MAB21L2: variants seen among roughly 807,000 people sequenced by gnomAD.
MAB21L2 encodes mab-21 like 2.
A neutral mutation model predicts 29.8 loss-of-function variants in MAB21L2; 15 were observed. The observed-to-expected ratio is 0.50, with a 90% confidence interval of 0.34 to 0.78. MAB21L2 has a LOEUF of 0.78. Ranked by LOEUF, MAB21L2 falls within the 30% of genes least tolerant of loss-of-function variation. The probability of loss-of-function intolerance (pLI) is 0.01; values close to 1 mark genes in which losing one functional copy is unlikely to be tolerated. For missense variants in MAB21L2, 321 were observed against 480.1 expected, an observed-to-expected ratio of 0.67 and a Z score of 3.10; for synonymous variants, 218 against 210.4, an observed-to-expected ratio of 1.04 and a Z score of -0.31.
chr4:150,583,140 G>A lies in MAB21L2; in HGVS notation c.111G>A (p.Val37=). ...IAKTIREVCK[V]VSDVLKEVEV... ...AAACCATCCGAGAGGTCTGTAAGGT[G>A]GTCTCGGACGTGCTCAAGGAAGTGG... Residue 37 remains valine, a synonymous_variant, in exon 1 of 1, where the codon GTG becomes GTA. Transcript: ENST00000317605. This position sits in a 1 kb window ranked among gnomAD's most constrained non-coding sequence, Gnocchi z 9.8. The A allele has an allele frequency of 6.2e-7, 1 of 1,614,214 alleles. No individual in the cohort carries two copies. The highest frequency in any genetic ancestry group is 8.5e-7 in the Non-Finnish European group (1 of 1,180,022).
In MAB21L2 at chr4:150,583,782, C is replaced by T. The variant is rs1374972528; in HGVS notation, c.753C>T (p.Leu251=). 6.2e-7 allele frequency: 1 copy of T among 1,614,180 alleles called. No homozygotes were observed. Among genetic ancestry groups the T allele is most frequent in the South Asian group, 1.1e-5 (1 of 91,082 alleles). The change falls in exon 1 of 1, where the codon CTC becomes CTT. Residue 251 remains leucine, a synonymous_variant. Coordinates refer to ENST00000317605, the MANE Select transcript of MAB21L2 (RefSeq NM_006439.5). The surrounding 1 kb of genome is among the most constrained non-coding windows in gnomAD (Gnocchi z 9.8). ...LLMGGCRNKC[L]SVLKTLRDRH... ...TGGGCGGCTGCCGAAACAAGTGCCT[C>T]TCAGTGCTGAAGACTCTGCGGGACC... is the stretch of plus-strand genomic sequence containing the variant.
rs372689984 is a variant in MAB21L2 at position 150,584,145 on chromosome 4, G to C, written c.*36G>C. On this transcript the variant is annotated 3_prime_UTR_variant, in exon 1 of 1. Transcript: ENST00000317605. ...ACTGCTTGAAAAGCGACACAAACGGGCGTGCTCTCTCAGACACACAACTCT... is the reference window on the plus strand; with the variant it reads ...ACTGCTTGAAAAGCGACACAAACGGCCGTGCTCTCTCAGACACACAACTCT... 6.1e-5 allele frequency: 92 copies of C among 1,502,042 alleles called. No homozygotes were observed. The African/African-American group carries it at 9.4e-4, about 15-fold the overall frequency. The allele number at this position is 1,502,042 out of a possible 1,614,324, so 93.0% of individuals were successfully genotyped here.
At position 150,583,737 on chromosome 4, in the gene MAB21L2, G is replaced by A. The variant is rs774467046; in HGVS notation, c.708G>A (p.Glu236=). The A allele has an allele frequency of 1.9e-6, 3 of 1,613,642 alleles. No homozygotes were observed. The highest frequency in any genetic ancestry group is 1.3e-5 in the African/African-American group (1 of 75,044). ...ACGCCTGGGTGCTACAGTTCGGGGA[G>A]GCGGAGAACCGCCTGCTGATGGGCG... ...ESDAWVLQFG[E]AENRLLMGGC... Residue 236 remains glutamate (E), a synonymous_variant, in exon 1 of 1, where the codon GAG becomes GAA. Coordinates refer to ENST00000317605, the MANE Select transcript of MAB21L2 (RefSeq NM_006439.5). The surrounding 1 kb of genome is among the most constrained non-coding windows in gnomAD (Gnocchi z 9.8).
chr4:150,583,054 G>T lies in MAB21L2; in HGVS notation c.25G>T (p.Val9Phe). The T allele has an allele frequency of 6.2e-7, 1 of 1,608,454 alleles. No individual in the cohort carries two copies. Among genetic ancestry groups the T allele is most frequent in the Non-Finnish European group, 8.5e-7 (1 of 1,176,584 alleles). The change falls in exon 1 of 1, where the codon GTT (valine) becomes TTT (phenylalanine). Residue 9 changes from valine to phenylalanine, a missense_variant. Physicochemically the swap from Val to Phe is conservative, Grantham distance 50 (BLOSUM62 -1). Transcript: ENST00000317605. This position sits in a 1 kb window ranked among gnomAD's most constrained non-coding sequence, Gnocchi z 9.8. MIAAQAKLVYQLNKYYTER... is the reference protein window; with the variant it reads MIAAQAKLFYQLNKYYTER... ...CATGATCGCCGCTCAGGCCAAGCTG[G>T]TTTACCAGCTCAATAAGTACTACAC...
chr4:150,583,038 C>G lies in MAB21L2; in HGVS notation c.9C>G (p.Ala3=). 6.3e-7 allele frequency: 1 copy of G among 1,593,222 alleles called. No homozygotes were observed. The highest frequency in any genetic ancestry group is 8.6e-7 in the Non-Finnish European group (1 of 1,168,012). Residue 3 remains alanine, a synonymous_variant, in exon 1 of 1, where the codon GCC becomes GCG. Transcript: ENST00000317605. This position sits in a 1 kb window ranked among gnomAD's most constrained non-coding sequence, Gnocchi z 9.8. ...CGGACCTGTGCCCCAACATGATCGC[C>G]GCTCAGGCCAAGCTGGTTTACCAGC... MI[A]AQAKLVYQLN...
At position 150,584,145 on chromosome 4, in the gene MAB21L2, G is replaced by T; in HGVS notation, c.*36G>T. On this transcript the variant is annotated 3_prime_UTR_variant, in exon 1 of 1. Coordinates refer to ENST00000317605, the MANE Select transcript of MAB21L2 (RefSeq NM_006439.5). ...ACTGCTTGAAAAGCGACACAAACGGGCGTGCTCTCTCAGACACACAACTCT... is the reference window on the plus strand; with the variant it reads ...ACTGCTTGAAAAGCGACACAAACGGTCGTGCTCTCTCAGACACACAACTCT... The T allele has an allele frequency of 6.7e-7, 1 of 1,502,042 alleles. No homozygotes were observed. 93.0% of individuals were successfully genotyped at this position (1,502,042 alleles called of 1,614,324 possible). A position where few individuals can be genotyped will look rare whatever the true frequency, so the allele number is the denominator to read the frequency against.
At position 150,584,226 on chromosome 4, in the gene MAB21L2, G is replaced by A; in HGVS notation, c.*117G>A. On this transcript the variant is annotated 3_prime_UTR_variant, in exon 1 of 1. Transcript: ENST00000317605. ...CTTTTATGTAAGTCACCTGAAATAG[G>A]AATCCGGCAGAAGACCTTCATTAAT... is the stretch of plus-strand genomic sequence containing the variant. 2 of 1,177,230 alleles carry A rather than the reference G, an allele frequency of 1.7e-6. No individual in the cohort carries two copies. The highest frequency in any genetic ancestry group is 2.3e-6 in the Non-Finnish European group (2 of 882,604). 72.9% of individuals were successfully genotyped at this position (1,177,230 alleles called of 1,614,324 possible). A position where few individuals can be genotyped will look rare whatever the true frequency, so the allele number is the denominator to read the frequency against.
Position 150,584,253 on chromosome 4 carries a change from A to G in MAB21L2, c.*144A>G. On this transcript the variant is annotated 3_prime_UTR_variant, in exon 1 of 1. Coordinates refer to ENST00000317605, the MANE Select transcript of MAB21L2 (RefSeq NM_006439.5). ...ATCCGGCAGAAGACCTTCATTAATT[A>G]AGAAGCAAACAAAAAGAGAGCAACC... 3.2e-6 allele frequency: 3 copies of G among 924,716 alleles called. No individual in the cohort carries two copies. Among genetic ancestry groups the G allele is most frequent in the Non-Finnish European group, 4.5e-6 (3 of 667,082 alleles). The allele number at this position is 924,716 out of a possible 1,614,324, so 57.3% of individuals were successfully genotyped here.
Position 150,583,105 on chromosome 4 carries a change from GC to G in MAB21L2, c.78del (p.Ile27SerfsTer30). The G allele has an allele frequency of 6.2e-7, 1 of 1,614,186 alleles. No homozygotes were observed. Among genetic ancestry groups the G allele is most frequent in the Non-Finnish European group, 8.5e-7 (1 of 1,180,024 alleles). Reference protein sequence around the residue: ...YTERCQARKAAIAKTIREVCK... With the variant: ...YTERCQARKAXIAKTIREVCK... Reference sequence around the variant, plus strand: ...TGAGCGCTGTCAGGCGCGCAAGGCGGCCATCGCCAAAACCATCCGAGAGGTC... The same window carrying G: ...TGAGCGCTGTCAGGCGCGCAAGGCGGCATCGCCAAAACCATCCGAGAGGTC... On this transcript the variant is annotated frameshift_variant, in exon 1 of 1. Coordinates refer to ENST00000317605, the MANE Select transcript of MAB21L2 (RefSeq NM_006439.5). LOFTEE classifies it high-confidence loss of function. The surrounding 1 kb of genome is among the most constrained non-coding windows in gnomAD (Gnocchi z 9.8).
rs1009661477 is a variant in MAB21L2 at position 150,583,730 on chromosome 4, TCGGGGAGGCGGAGAAC to T, written c.704_719del (p.Gly235AlafsTer3). ...GAGAGCGACGCCTGGGTGCTACAGTTCGGGGAGGCGGAGAACCGCCTGCTGATGGGCGGCTGCCGAA... is the reference window on the plus strand; with the variant it reads ...GAGAGCGACGCCTGGGTGCTACAGTTCGCCTGCTGATGGGCGGCTGCCGAA... On this transcript the variant is annotated frameshift_variant, in exon 1 of 1. Transcript: ENST00000317605. LOFTEE classifies it high-confidence loss of function. This position sits in a 1 kb window ranked among gnomAD's most constrained non-coding sequence, Gnocchi z 9.8. 1.2e-6 allele frequency: 2 copies of T among 1,613,488 alleles called. No homozygotes were observed. Among genetic ancestry groups the T allele is most frequent in the Non-Finnish European group, 1.7e-6 (2 of 1,179,802 alleles).
Position 150,582,653 on chromosome 4 carries a change from C to G in MAB21L2, c.-377C>G. 5.2e-6 allele frequency: 1 copy of G among 192,904 alleles called. No individual in the cohort carries two copies. Among genetic ancestry groups the G allele is most frequent in the South Asian group, 1.4e-4 (1 of 7,084 alleles). 11.9% of individuals were successfully genotyped at this position (192,904 alleles called of 1,614,324 possible). On this transcript the variant is annotated 5_prime_UTR_variant, in exon 1 of 1. Coordinates refer to ENST00000317605, the MANE Select transcript of MAB21L2 (RefSeq NM_006439.5). The stretch of plus-strand genomic sequence containing the variant: ...ACAATCTCGGCTGCAGACATCTAAG[C>G]CTAACCTTTTGGTATCCTGAGTTTT...
Position 150,584,154 on chromosome 4 carries a change from C to A in MAB21L2, c.*45C>A. On this transcript the variant is annotated 3_prime_UTR_variant, in exon 1 of 1. Transcript: ENST00000317605. ...AAAGCGACACAAACGGGCGTGCTCT[C>A]TCAGACACACAACTCTGCTATAAAC... 6.7e-7 allele frequency: 1 copy of A among 1,493,922 alleles called. No homozygotes were observed. The highest frequency in any genetic ancestry group is 1.4e-5 in the South Asian group (1 of 69,104). 92.5% of individuals were successfully genotyped at this position (1,493,922 alleles called of 1,614,324 possible).
chr4:150,583,397 T>C lies in MAB21L2; in HGVS notation c.368T>C (p.Leu123Pro). Residue 123 changes from leucine (L) to proline (P), a missense_variant, in exon 1 of 1, where the codon CTC (leucine) becomes CCC (proline). By Grantham distance (98) the Leu-to-Pro change is moderately conservative (BLOSUM62 -3). Coordinates refer to ENST00000317605, the MANE Select transcript of MAB21L2 (RefSeq NM_006439.5). This position sits in a 1 kb window ranked among gnomAD's most constrained non-coding sequence, Gnocchi z 9.8. ...WVEFITASGY[L>P]SARKIRSRFQ... is the part of the protein sequence containing the mutation. ...GAGTTCATCACGGCGTCGGGCTATC[T>C]CTCAGCGCGTAAGATCCGCTCGCGT... The C allele has an allele frequency of 6.2e-7, 1 of 1,614,008 alleles. No individual in the cohort carries two copies. Among genetic ancestry groups the C allele is most frequent in the Non-Finnish European group, 8.5e-7 (1 of 1,180,016 alleles).
At position 150,583,221 on chromosome 4, in the gene MAB21L2, G is replaced by T. The variant is rs1771630595; in HGVS notation, c.192G>T (p.Glu64Asp). 1 of 1,614,110 alleles carries T rather than the reference G, an allele frequency of 6.2e-7. No homozygotes were observed. The highest frequency in any genetic ancestry group is 8.5e-7 in the Non-Finnish European group (1 of 1,180,054). The change falls in exon 1 of 1, where the codon GAG becomes GAT. Residue 64 changes from glutamate to aspartate, a missense_variant. Coordinates refer to ENST00000317605, the MANE Select transcript of MAB21L2 (RefSeq NM_006439.5). The surrounding 1 kb of genome is among the most constrained non-coding windows in gnomAD (Gnocchi z 9.8). ...SSLSEIDARY[E>D]GLEVISPTEF... is the part of the protein sequence containing the mutation. ...TGAGCGAGATCGATGCCCGCTACGA[G>T]GGGCTCGAGGTCATTTCGCCCACCG...
In MAB21L2 at chr4:150,583,973, G is replaced by A; in HGVS notation, c.944G>A (p.Arg315His). 1 of 1,614,030 alleles carries A rather than the reference G, an allele frequency of 6.2e-7. No individual in the cohort carries two copies. ...CTCATCTCCTGCCTGCAGTGCCGCC[G>A]CTGCCCTCACTACTTTCTGCCCAAC... ...LQLISCLQCR[R>H]CPHYFLPNLD... Residue 315 changes from arginine (R) to histidine (H), a missense_variant, in exon 1 of 1, where the codon CGC (arginine) becomes CAC (histidine). Coordinates refer to ENST00000317605, the MANE Select transcript of MAB21L2 (RefSeq NM_006439.5). This position sits in a 1 kb window ranked among gnomAD's most constrained non-coding sequence, Gnocchi z 9.8.
Position 150,584,172 on chromosome 4 carries a change from C to G in MAB21L2, c.*63C>G. ...GTGCTCTCTCAGACACACAACTCTG[C>G]TATAAACAGCAGAAACTCTGGACAC... On this transcript the variant is annotated 3_prime_UTR_variant, in exon 1 of 1. Coordinates refer to ENST00000317605, the MANE Select transcript of MAB21L2 (RefSeq NM_006439.5). 2.8e-6 allele frequency: 4 copies of G among 1,445,268 alleles called. No homozygotes were observed. Among genetic ancestry groups the G allele is most frequent in the African/African-American group, 1.4e-5 (1 of 70,680 alleles). The allele number at this position is 1,445,268 out of a possible 1,614,324, so 89.5% of individuals were successfully genotyped here.
rs146043387 is a variant in MAB21L2, at chr4:150,583,389, G to A, written c.360G>A (p.Ser120=). 5 of 1,614,034 alleles carry A rather than the reference G, an allele frequency of 3.1e-6. No individual in the cohort carries two copies. The East Asian group carries it at 1.1e-4, about 36-fold the overall frequency. Residue 120 remains serine (S), a synonymous_variant, in exon 1 of 1, where the codon TCG becomes TCA. Transcript: ENST00000317605. This position sits in a 1 kb window ranked among gnomAD's most constrained non-coding sequence, Gnocchi z 9.8. The part of the protein sequence containing the change: ...MSLWVEFITA[S]GYLSARKIRS... Reference sequence around the variant, plus strand: ...TCTGGGTCGAGTTCATCACGGCGTCGGGCTATCTCTCAGCGCGTAAGATCC... The same window carrying A: ...TCTGGGTCGAGTTCATCACGGCGTCAGGCTATCTCTCAGCGCGTAAGATCC...
In MAB21L2 at chr4:150,583,911, G is replaced by C. The variant is rs1003204803; in HGVS notation, c.882G>C (p.Ser294=). The change falls in exon 1 of 1, where the codon TCG becomes TCC. Residue 294 remains serine (S), a synonymous_variant. Coordinates refer to ENST00000317605, the MANE Select transcript of MAB21L2 (RefSeq NM_006439.5). This position sits in a 1 kb window ranked among gnomAD's most constrained non-coding sequence, Gnocchi z 9.8. Reference sequence around the variant, plus strand: ...CACGAGAAACGGACTGGGACGAGTCGTGCCTGGGCGACCGGCTCAACGGCA... The same window carrying C: ...CACGAGAAACGGACTGGGACGAGTCCTGCCTGGGCGACCGGCTCAACGGCA... ...KHPRETDWDE[S]CLGDRLNGIL... is the part of the protein sequence containing the mutation. 2 of 1,612,800 alleles carry C rather than the reference G, an allele frequency of 1.2e-6. No homozygotes were observed. The highest frequency in any genetic ancestry group is 8.5e-7 in the Non-Finnish European group (1 of 1,179,326).
chr4:150,584,149 GC>G lies in MAB21L2; in HGVS notation c.*41del, dbSNP rs1217058160. On this transcript the variant is annotated 3_prime_UTR_variant, in exon 1 of 1. Transcript: ENST00000317605. ...CTTGAAAAGCGACACAAACGGGCGT[GC>G]TCTCTCAGACACACAACTCTGCTAT... is the stretch of plus-strand genomic sequence containing the variant. 5 of 1,501,448 alleles carry G rather than the reference GC, an allele frequency of 3.3e-6. No individual in the cohort carries two copies. The highest frequency in any genetic ancestry group is 3.6e-6 in the Non-Finnish European group (4 of 1,125,546). The allele number at this position is 1,501,448 out of a possible 1,614,324, so 93.0% of individuals were successfully genotyped here. A position where few individuals can be genotyped will look rare whatever the true frequency, so the allele number is the denominator to read the frequency against.
Sources: allele counts gnomAD v4.1 joint callset, GRCh38; gene constraint gnomAD v4.1.1; non-coding constraint Gnocchi (gnomAD v3.1); transcripts MANE v1.5; gene names NCBI Gene and HGNC (gene_info 2026-07-23, HGNC 2026-07-21).